Variants in NPFF observed in about 807,000 individuals in gnomAD.
NPFF encodes pro-FMRFamide-related neuropeptide FF.
A neutral mutation model predicts 12.9 loss-of-function variants in NPFF; 14 were observed. That is an observed-to-expected ratio of 1.09 (90% CI 0.72 to 1.70). The LOEUF is 1.70. Ranked by LOEUF, NPFF falls within the 40% of genes most tolerant of loss-of-function variation. The pLI, the probability that NPFF is intolerant of heterozygous loss-of-function variation, is 0.00. For missense variants in NPFF, 140 were observed against 135.7 expected, an observed-to-expected ratio of 1.03 and a Z score of -0.16; for synonymous variants, 56 against 57.3, an observed-to-expected ratio of 0.98 and a Z score of 0.10.
rs768088039 is a variant in NPFF at position 53,507,262 on chromosome 12, A to C, written c.102+111T>G. Reference sequence around the variant, plus strand: ...GGAGGCTGCGGAACCATTTCCTCAGATGTGAGGACCTAATGACAACCTTGG... The same window carrying C: ...GGAGGCTGCGGAACCATTTCCTCAGCTGTGAGGACCTAATGACAACCTTGG... On this transcript the variant is annotated intron_variant, in intron 1 of 2. Coordinates refer to ENST00000267017, the MANE Select transcript of NPFF (RefSeq NM_003717.4). 7 of 1,589,448 alleles carry C rather than the reference A, an allele frequency of 4.4e-6. No individual in the cohort carries two copies. In the South Asian group the frequency reaches 6.8e-5, roughly 15 times the overall value.
At chr12:53,506,997 T>C (rs1189364394) in intron 2 of NPFF, 24 bp downstream of exon 2, 7 of 1,607,630 alleles carry the variant, frequency 4.4e-6, no homozygotes, top group Non-Finnish European at 6.0e-6. Context: ...GCCCCTGCCA[T>C]GCTTGTGTCC....
At position 53,507,100 on chromosome 12, in the gene NPFF, A is replaced by C. The variant is rs1263479512; in HGVS notation, c.145T>G (p.Ser49Ala). The C allele has an allele frequency of 1.2e-6, 2 of 1,614,018 alleles. No individual in the cohort carries two copies. The highest frequency in any genetic ancestry group is 1.7e-6 in the Non-Finnish European group (2 of 1,179,990). ...EPLPPQDAQT[S>A]GSLLHYLLQA... Reference sequence around the variant, plus strand: ...AGCAGGTAGTGCAACAGTGACCCAGAGGTCTGGGCATCCTGTGGTGGGAGG... The same window carrying C: ...AGCAGGTAGTGCAACAGTGACCCAGCGGTCTGGGCATCCTGTGGTGGGAGG... Residue 49 changes from serine (S) to alanine (A), a missense_variant, in exon 2 of 3, where the codon TCT (serine) becomes GCT (alanine). By Grantham distance (99) the Ser-to-Ala change is moderately conservative. Coordinates refer to ENST00000267017, the MANE Select transcript of NPFF (RefSeq NM_003717.4).
At chr12:53,506,945 T>A (rs771024933) in intron 2 of NPFF, 52 bp from the exon 3 acceptor site, 1 of 1,583,580 alleles carries the variant, frequency 6.3e-7, no homozygotes, top group Non-Finnish European at 8.6e-7. Flanking sequence ...TCTAGCCCCC[T>A]TCCTTCTCCT....
chr12:53,507,364 C>T lies in NPFF; in HGVS notation c.102+9G>A. 6.2e-7 allele frequency: 1 copy of T among 1,614,052 alleles called. No homozygotes were observed. Among genetic ancestry groups the T allele is most frequent in the South Asian group, 1.1e-5 (1 of 91,084 alleles). ...GCAATGGTGATATGGGGATGGGACA[C>T]ACACTCACCGCGGAGAGCTGGTCTT... On this transcript the variant is annotated intron_variant, in intron 1 of 2. Transcript: ENST00000267017.
intron 1 of NPFF, 101 bp downstream of exon 1, chr12:53,507,272 C>G: frequency 1.9e-6 from 3 of 1,593,424 alleles, no homozygotes; most frequent in Non-Finnish European, 2.6e-6. Flanking sequence ...ATGTGAGGAC[C>G]TAATGACAAC....
Position 53,507,405 on chromosome 12 carries a change from G to A in NPFF, c.70C>T (p.Pro24Ser), listed in dbSNP as rs751512414. 5.6e-6 allele frequency: 9 copies of A among 1,613,852 alleles called. No individual in the cohort carries two copies. In the Admixed American group the frequency reaches 1.2e-4, roughly 21 times the overall value. ...AGCTGGTCTTCCTGCTGGCCTCCTG[G>A]CCCTTCAGCACAGCCCCCGTCTATT... ...LLIDGGCAEGPGGQQEDQLSA... is the reference protein window; with the variant it reads ...LLIDGGCAEGSGGQQEDQLSA... The change falls in exon 1 of 3, where the codon CCA becomes TCA. Residue 24 changes from proline to serine, a missense_variant. Transcript: ENST00000267017.
At chr12:53,506,958 TCCTCTG>T in intron 2 of NPFF, 57 bp downstream of exon 2, 2 of 1,589,256 alleles carry the variant, frequency 1.3e-6, no homozygotes, top group South Asian at 2.3e-5. Flanking sequence ...CTTCTCCTCT[TCCTCTG>T]CCTCCTGCCC....
rs148905524 is a variant in NPFF, at chr12:53,507,372, C to G, written c.102+1G>C. 3.0e-5 allele frequency: 49 copies of G among 1,613,952 alleles called. No homozygotes were observed. The highest frequency in any genetic ancestry group is 4.2e-5 in the Non-Finnish European group (49 of 1,179,992). On this transcript the variant is annotated splice_donor_variant, in intron 1 of 2. Coordinates refer to ENST00000267017, the MANE Select transcript of NPFF (RefSeq NM_003717.4). LOFTEE classifies it high-confidence loss of function. ...GATATGGGGATGGGACACACACTCA[C>G]CGCGGAGAGCTGGTCTTCCTGCTGG...
chr12:53,507,318 C>T, intron 1 of NPFF, 55 bp downstream of exon 1: 1 of 1,610,012 alleles, frequency 6.2e-7, no homozygotes, highest in Non-Finnish European at 8.5e-7. Context: ...ACCTAGAGCA[C>T]AAGTCTCAAC....
chr12:53,507,313 G>T, intron 1 of NPFF, 60 bp downstream of exon 1: 2 of 1,608,416 alleles, frequency 1.2e-6, no homozygotes. Flanking sequence ...TCAGAACCTA[G>T]AGCACAAGTC....
chr12:53,506,774 T>A lies in NPFF; in HGVS notation c.*2A>T. On this transcript the variant is annotated 3_prime_UTR_variant, in exon 3 of 3. Coordinates refer to ENST00000267017, the MANE Select transcript of NPFF (RefSeq NM_003717.4). ...CATGCAGACATATCAAGGGATGACA[T>A]GTCACTTCTTCCCAAAGCGTTGAGG... 1 of 1,542,314 alleles carries A rather than the reference T, an allele frequency of 6.5e-7. No homozygotes were observed. The highest frequency in any genetic ancestry group is 8.7e-7 in the Non-Finnish European group (1 of 1,145,334).
At chr12:53,507,220 T>G in intron 1 of NPFF, 78 bp from the exon 2 acceptor site, 1 of 1,587,600 alleles carries the variant, frequency 6.3e-7, no homozygotes, top group Non-Finnish European at 8.6e-7. Flanking sequence ...GGGACTGGCT[T>G]CCAGGGGCAA....
chr12:53,507,061 T>G lies in NPFF; in HGVS notation c.184A>C (p.Arg62=). ...AGGAAGGCTTGGCTCCGGCCAGGTC[T>G]CTCCATTGCCTGGAGCAGGTAGTGC... ...LLHYLLQAME[R]PGRSQAFLFQ... The change falls in exon 2 of 3, where the codon AGA becomes CGA. Residue 62 remains arginine, a synonymous_variant. Coordinates refer to ENST00000267017, the MANE Select transcript of NPFF (RefSeq NM_003717.4). 6.2e-7 allele frequency: 1 copy of G among 1,614,070 alleles called. No homozygotes were observed. Among genetic ancestry groups the G allele is most frequent in the Non-Finnish European group, 8.5e-7 (1 of 1,180,028 alleles).
intron 2 of NPFF, 30 bp downstream of exon 2, chr12:53,506,991 C>G: frequency 6.2e-7 from 1 of 1,608,832 alleles, no homozygotes; most frequent in Non-Finnish European, 8.5e-7. Flanking sequence ...CCCCCAGCCC[C>G]TGCCATGCTT....
In NPFF at chr12:53,507,199, C is replaced by T. The variant is rs749494144; in HGVS notation, c.103-57G>A. The T allele has an allele frequency of 6.3e-6, 10 of 1,597,692 alleles. No homozygotes were observed. The South Asian group carries it at 1.1e-4, about 18-fold the overall frequency. On this transcript the variant is annotated intron_variant, in intron 1 of 2. Coordinates refer to ENST00000267017, the MANE Select transcript of NPFF (RefSeq NM_003717.4). Reference sequence around the variant, plus strand: ...GGGCAAATACCCTGGACACGTAAGTCACAAGGGGAAGGGACTGGCTTCCAG... The same window carrying T: ...GGGCAAATACCCTGGACACGTAAGTTACAAGGGGAAGGGACTGGCTTCCAG...
Position 53,507,445 on chromosome 12 carries a change from CA to C in NPFF, c.29del (p.Leu10ArgfsTer6). ...CCCCGTCTATTAACAGCAGCAGCAC[CA>C]GCAGTGCAGCAGCCTGCCTAGAATC... The part of the protein sequence containing the change: MDSRQAAAL[L>X]VLLLLIDGGC... On this transcript the variant is annotated frameshift_variant, in exon 1 of 3. Coordinates refer to ENST00000267017, the MANE Select transcript of NPFF (RefSeq NM_003717.4). LOFTEE classifies it high-confidence loss of function. 1 of 1,613,724 alleles carries C rather than the reference CA, an allele frequency of 6.2e-7. No homozygotes were observed. The highest frequency in any genetic ancestry group is 1.1e-5 in the South Asian group (1 of 91,090).
In NPFF at chr12:53,507,418, G is replaced by A. The variant is rs1592748909; in HGVS notation, c.57C>T (p.Gly19=). The change falls in exon 1 of 3, where the codon GGC becomes GGT. Residue 19 remains glycine, a synonymous_variant. Transcript: ENST00000267017. ...GCTGGCCTCCTGGCCCTTCAGCACA[G>A]CCCCCGTCTATTAACAGCAGCAGCA... is the stretch of plus-strand genomic sequence containing the variant. ...LLVLLLLIDG[G]CAEGPGGQQE... The A allele has an allele frequency of 5.6e-6, 9 of 1,613,850 alleles. No individual in the cohort carries two copies. The African/African-American group carries it at 1.1e-4, about 19-fold the overall frequency.
intron 1 of NPFF, 101 bp from the exon 2 acceptor site, chr12:53,507,243 T>C (rs1240829498): frequency 2.5e-6 from 4 of 1,582,686 alleles, no homozygotes; most frequent in Non-Finnish European, 3.4e-6. Context: ...GGTAGGAGGC[T>C]GCGGAACCAT....
chr12:53,506,989 C>G (rs761278059), intron 2 of NPFF, 32 bp downstream of exon 2: 5 of 1,607,180 alleles, frequency 3.1e-6, no homozygotes, highest in African/African-American at 2.7e-5. Flanking sequence ...CACCCCCAGC[C>G]CCTGCCATGC....
Sources: gnomAD v4.1 joint callset for allele counts on GRCh38, gnomAD v4.1.1 for gene constraint, MANE v1.5 for transcripts, NCBI Gene and HGNC (gene_info 2026-07-23, HGNC 2026-07-21) for gene names.